CASD1: variants seen among roughly 807,000 people sequenced by gnomAD.
The protein encoded by CASD1 is N-acetylneuraminate (7)9-O-acetyltransferase.
In CASD1, 41 loss-of-function variants were observed where a neutral mutation model predicts 100.0. The observed-to-expected ratio is 0.41, with a 90% CI of 0.32 to 0.53. CASD1 has a LOEUF of 0.53. CASD1 is among the 20% of genes least tolerant of loss of function. The probability of loss-of-function intolerance (pLI) is 0.25; values close to 1 mark genes in which losing one functional copy is unlikely to be tolerated. For missense variants in CASD1, 774 were observed against 948.7 expected, an observed-to-expected ratio of 0.82 and a Z score of 2.42; for synonymous variants, 321 against 315.6, an observed-to-expected ratio of 1.02 and a Z score of -0.18.
chr7:94,607,769 G>C, the CASD1 span, among the ~76,000 whole-genome samples: 1 of 152,116 alleles, frequency 6.6e-6, no homozygotes, highest in East Asian at 1.9e-4. Context: ...CATACTGGAA[G>C]TCCTAACTAA....
chr7:94,584,528 C>T, the CASD1 span, among the ~76,000 whole-genome samples: 1 of 152,212 alleles, frequency 6.6e-6, no homozygotes, highest in Non-Finnish European at 1.5e-5. Flanking sequence ...AAGTGGAAAA[C>T]AAGTTACGGT....
intron 16 of CASD1, 72 bp from the exon 17 acceptor site, chr7:94,554,411 A>T: frequency 1.0e-6 from 1 of 965,230 alleles, no homozygotes; most frequent in Non-Finnish European, 1.6e-6. Context: ...GTTATCATTT[A>T]AAAGAAAGCT....
downstream of CASD1, among the ~76,000 whole-genome samples, chr7:94,559,507 A>G (rs1796305390): frequency 6.6e-6 from 1 of 152,048 alleles, no homozygotes; most frequent in Non-Finnish European, 1.5e-5. Context: ...AGTAAAAAAG[A>G]TACTAAAATT....
chr7:94,619,222 A>G, the CASD1 span: 1 of 314,964 alleles, frequency 3.2e-6, no homozygotes, highest in Non-Finnish European at 5.8e-6. Flanking sequence ...AGAATTTGGC[A>G]AAACAACTAA....
At chr7:94,588,595 G>T in the CASD1 span, 1 of 1,553,306 alleles carries the variant, frequency 6.4e-7, no homozygotes, top group Non-Finnish European at 8.7e-7. Flanking sequence ...CTTATTTGGT[G>T]AAGATAAAGC....
intron 1 of CASD1, among the ~76,000 whole-genome samples, chr7:94,510,830 C>A (rs540990818): frequency 1.3e-5 from 2 of 152,258 alleles, no homozygotes; most frequent in Non-Finnish European, 2.9e-5. Context: ...TGCCACCCAG[C>A]TTTTGTGATG....
At chr7:94,553,888 G>A (rs1376960849) in intron 16 of CASD1, 1 of 151,982 alleles carries the variant, frequency 6.6e-6, no homozygotes, top group Non-Finnish European at 1.5e-5. Context: ...CAGGGGAGAG[G>A]AGTAAAGGCC....
At chr7:94,568,332 C>A in the CASD1 span, among the ~76,000 whole-genome samples, 1 of 151,882 alleles carries the variant, frequency 6.6e-6, no homozygotes, top group African/African-American at 2.4e-5. Context: ...TCATTTTAAA[C>A]AAAATTAAGT....
At chr7:94,534,906 G>T (rs1216325067) in intron 7 of CASD1, among the ~76,000 whole-genome samples, 2 of 152,076 alleles carry the variant, frequency 1.3e-5, no homozygotes, top group Non-Finnish European at 2.9e-5. Context: ...ACAGAATTAA[G>T]CAGTGACAAG....
the CASD1 span, chr7:94,599,062 A>AAG: frequency 2.3e-6 from 2 of 876,460 alleles, no homozygotes; most frequent in Non-Finnish European, 1.8e-6. Flanking sequence ...TATCTTTTAA[A>AAG]ATAATAAGAC....
Position 94,545,820 on chromosome 7 carries a change from A to G in CASD1, c.1633+119A>G, listed in dbSNP as rs966279352. On this transcript the variant is annotated intron_variant, in intron 12 of 17. Coordinates refer to ENST00000297273, the MANE Select transcript of CASD1 (RefSeq NM_022900.5). ...ATGTAGACAGTTTAAATTTATATGT[A>G]GTTTTAACATTTTGAAATTCTGTTC... The G allele has an allele frequency of 5.0e-5, 29 of 576,216 alleles. No homozygotes were observed. The African/African-American group carries it at 5.3e-4, about 10-fold the overall frequency. 35.7% of individuals were successfully genotyped at this position (576,216 alleles called of 1,614,324 possible).
intron 10 of CASD1, among the ~76,000 whole-genome samples, chr7:94,544,006 G>A (rs1334325421): frequency 1.3e-5 from 2 of 152,158 alleles, no homozygotes; most frequent in Non-Finnish European, 2.9e-5. Flanking sequence ...GTAAAAGTAT[G>A]AATCCATCTT....
Position 94,538,970 on chromosome 7 carries a change from A to G in CASD1, c.1270A>G (p.Lys424Glu). The G allele has an allele frequency of 2.5e-6, 4 of 1,577,268 alleles. No individual in the cohort carries two copies. Among genetic ancestry groups the G allele is most frequent in the South Asian group, 1.1e-5 (1 of 89,096 alleles). Residue 424 changes from lysine to glutamate, a missense_variant, in exon 10 of 18, where the codon AAA (lysine) becomes GAA (glutamate). By Grantham distance (56) the Lys-to-Glu change is moderately conservative. This residue lies in a region of CASD1 where 453 missense variants were observed against 532.6 expected (regional missense o/e 0.85). Transcript: ENST00000297273. ...VFYNENTKET[K>E]VLNREQTDEW... is the part of the protein sequence containing the mutation. ...AGATTTTGGTTCCTTTACACAGACT[A>G]AAGTATTAAATAGAGAACAAACAGA...
At chr7:94,573,307 T>C in the CASD1 span, among the ~76,000 whole-genome samples, 2 of 152,212 alleles carry the variant, frequency 1.3e-5, no homozygotes, top group Non-Finnish European at 2.9e-5. Context: ...AATCTGTAAA[T>C]TGCGTTGGGC....
the CASD1 span, among the ~76,000 whole-genome samples, chr7:94,583,320 T>G: frequency 6.6e-6 from 1 of 152,162 alleles, no homozygotes; most frequent in Admixed American, 6.5e-5. Context: ...TGTCTAAAGA[T>G]CAACAATTCC....
Position 94,531,682 on chromosome 7 carries a change from T to C in CASD1, c.460-1523T>C, listed in dbSNP as rs190842670. 2.3e-3 allele frequency among the ~76,000 whole-genome samples: 354 copies of C among 152,286 alleles called. 3 individuals are homozygous for C. Among genetic ancestry groups the C allele is most frequent in the African/African-American group, 8.0e-3 (332 of 41,560 alleles). ...TTATTTTGTTATTTTTCTCTATATT[T>C]GTAGTATTTTACAGTAAGCATGTAT... On this transcript the variant is annotated intron_variant, in intron 5 of 17. Coordinates refer to ENST00000297273, the MANE Select transcript of CASD1 (RefSeq NM_022900.5).
downstream of CASD1, among the ~76,000 whole-genome samples, chr7:94,561,359 G>C (rs1796336239): frequency 6.6e-6 from 1 of 152,166 alleles, no homozygotes; most frequent in Non-Finnish European, 1.5e-5. Flanking sequence ...ACTTCATTCA[G>C]ATACCTCAAT....
Position 94,535,437 on chromosome 7 carries a change from A to T in CASD1, c.757A>T (p.Met253Leu). The change falls in exon 8 of 18, where the codon ATG becomes TTG. Residue 253 changes from methionine (M) to leucine (L), a missense_variant. Coordinates refer to ENST00000297273, the MANE Select transcript of CASD1 (RefSeq NM_022900.5). ...STRNSKSNVK[M>L]FSVSKLIAQE... ...CAGAAATTCTAAATCAAATGTTAAG[A>T]TGTTCAGTGTTTCCAAATTAATTGC... 6.2e-7 allele frequency: 1 copy of T among 1,613,602 alleles called. No homozygotes were observed. The highest frequency in any genetic ancestry group is 1.1e-5 in the South Asian group (1 of 91,064).
intron 16 of CASD1, 49 bp downstream of exon 16, chr7:94,552,476 A>T: frequency 6.9e-7 from 1 of 1,457,358 alleles, no homozygotes; most frequent in Non-Finnish European, 9.4e-7. Context: ...CTTGATAAGA[A>T]AATGGTTTTT....
Sources: gnomAD v4.1 joint callset for allele counts (sites outside exome capture counted in the v4.1 genomes callset) on GRCh38, gnomAD v4.1.1 for gene constraint, gnomAD v4.1.1 regional missense constraint, MANE v1.5 for transcripts, NCBI Gene and HGNC (gene_info 2026-07-23, HGNC 2026-07-21) for gene names.